The following NT5DC1 variants were observed in gnomAD, a reference collection of about 807,000 sequenced individuals.
NT5DC1 encodes 5'-nucleotidase domain containing 1, also known as 5'-nucleotidase domain-containing protein 1.
Under a neutral mutation model 59.4 loss-of-function variants are expected in NT5DC1, and 42 were observed. The observed-to-expected ratio is 0.71, with a 90% CI of 0.55 to 0.92. The LOEUF is 0.92. NT5DC1 is among the 40% of genes least tolerant of loss of function. The pLI is 0.00. For synonymous variants in NT5DC1, 172 were observed against 188.1 expected (o/e 0.91, Z 0.70); for missense variants, 501 against 537.1 (o/e 0.93, Z 0.66).
chr6:116,231,712 A>G (rs1160541851), intron 8 of NT5DC1, among the ~76,000 whole-genome samples: 1 of 152,268 alleles, frequency 6.6e-6, no homozygotes, highest in Non-Finnish European at 1.5e-5. Flanking sequence ...ACAGAAAAAC[A>G]TTGGCAACAA....
At chr6:116,125,372 G>C (rs755612188) in intron 6 of NT5DC1, 2 of 1,613,754 alleles carry the variant, frequency 1.2e-6, no homozygotes, top group Non-Finnish European at 1.7e-6. Flanking sequence ...ATGAAGAACT[G>C]TGTCTTGGTG....
intron 6 of NT5DC1, among the ~76,000 whole-genome samples, chr6:116,131,711 G>GA (rs1779470410): frequency 6.6e-6 from 1 of 152,088 alleles, no homozygotes; most frequent in African/African-American, 2.4e-5. Context: ...TACAAGTGCA[G>GA]GTGTGTTACA....
intron 6 of NT5DC1, among the ~76,000 whole-genome samples, chr6:116,128,179 A>G (rs1376003894): frequency 6.6e-6 from 1 of 152,150 alleles, no homozygotes; most frequent in African/African-American, 2.4e-5. Flanking sequence ...AGTTTTGGAA[A>G]ATGTGGTGTC....
At chr6:116,192,189 GTTAA>G (rs879818967) in intron 6 of NT5DC1, among the ~76,000 whole-genome samples, 12 of 152,148 alleles carry the variant, frequency 7.9e-5, no homozygotes, top group East Asian at 3.9e-4. Context: ...GATTTTGCCA[GTTAA>G]TTAACCTCTG....
intron 6 of NT5DC1, among the ~76,000 whole-genome samples, chr6:116,154,903 GATAAAA>G (rs1413221646): frequency 1.3e-5 from 2 of 151,922 alleles, no homozygotes; most frequent in South Asian, 2.1e-4. Context: ...TTCTTCATAA[GATAAAA>G]ATAAAAAACA....
intron 6 of NT5DC1, among the ~76,000 whole-genome samples, chr6:116,189,912 T>G (rs1781078894): frequency 6.6e-6 from 1 of 151,984 alleles, no homozygotes; most frequent in Non-Finnish European, 1.5e-5. Flanking sequence ...GTTTTTGCCT[T>G]TTAAGATTTT....
intron 5 of NT5DC1, 149 bp from the exon 6 acceptor site, chr6:116,117,712 A>G (rs969993506): frequency 5.3e-6 from 3 of 570,050 alleles, no homozygotes; most frequent in Non-Finnish European, 9.3e-6. Flanking sequence ...CTGAATCTTC[A>G]TCACTTTTGT....
intron 6 of NT5DC1, among the ~76,000 whole-genome samples, chr6:116,141,562 T>C (rs187776458): frequency 6.6e-6 from 1 of 152,182 alleles, no homozygotes; most frequent in East Asian, 1.9e-4. Context: ...AGAGAATGTT[T>C]CATTAATTTT....
chr6:116,236,573 T>A (rs1286570774), intron 8 of NT5DC1, among the ~76,000 whole-genome samples: 1 of 152,184 alleles, frequency 6.6e-6, no homozygotes, highest in African/African-American at 2.4e-5. Context: ...AAACTTACCT[T>A]CCTCACCCTC....
intron 6 of NT5DC1, among the ~76,000 whole-genome samples, chr6:116,214,037 T>C (rs1304662726): frequency 6.6e-6 from 1 of 152,126 alleles, no homozygotes; most frequent in Non-Finnish European, 1.5e-5. Flanking sequence ...TTCTTCTCCA[T>C]AATTTAATGA....
At position 116,249,048 on chromosome 6, in the gene NT5DC1, T is replaced by C. The variant is rs1318306726; in HGVS notation, c.*5024T>C. 2 of 152,110 alleles carry C rather than the reference T, an allele frequency of 1.3e-5. No homozygotes were observed. Among genetic ancestry groups the C allele is most frequent in the Admixed American group, 6.5e-5 (1 of 15,278 alleles). 9.4% of individuals were successfully genotyped at this position (152,110 alleles called of 1,614,324 possible). On this transcript the variant is annotated 3_prime_UTR_variant, in exon 12 of 12. Transcript: ENST00000319550. ...ACATCCAGAACAGGCATAGAAAAGG[T>C]ATAATAAAGCTTGAAACAGGTGGCT...
chr6:116,193,292 G>A (rs1184545117), intron 6 of NT5DC1, among the ~76,000 whole-genome samples: 3 of 151,990 alleles, frequency 2.0e-5, no homozygotes, highest in Non-Finnish European at 2.9e-5. Context: ...TTCCTTATAG[G>A]AGTGCTGTGA....
chr6:116,179,364 T>C (rs1582856338), intron 6 of NT5DC1, among the ~76,000 whole-genome samples: 1 of 152,120 alleles, frequency 6.6e-6, no homozygotes, highest in South Asian at 2.1e-4. Context: ...AGAATTGGGG[T>C]TTTAGCATTC....
chr6:116,108,511 A>G (rs1417694534), intron 3 of NT5DC1, 76 bp downstream of exon 3: 3 of 809,626 alleles, frequency 3.7e-6, no homozygotes, highest in Non-Finnish European at 6.6e-6. Context: ...TATGACCCTT[A>G]CAGTATGGGT....
At chr6:116,175,933 G>A (rs1780725188) in intron 6 of NT5DC1, among the ~76,000 whole-genome samples, 1 of 152,018 alleles carries the variant, frequency 6.6e-6, no homozygotes, top group South Asian at 2.1e-4. Flanking sequence ...TTGTCTTTTA[G>A]CGCTGGGTTG....
chr6:116,174,525 A>G (rs1281875417), intron 6 of NT5DC1, among the ~76,000 whole-genome samples: 4 of 152,248 alleles, frequency 2.6e-5, no homozygotes, highest in Non-Finnish European at 5.9e-5. Flanking sequence ...TAGAGTGCCA[A>G]TGTTAAGTGA....
chr6:116,120,699 C>A, intron 6 of NT5DC1: 1 of 1,554,022 alleles, frequency 6.4e-7, no homozygotes, highest in South Asian at 1.2e-5. Flanking sequence ...CCAGGAGGAC[C>A]GGGACTTCCT....
intron 6 of NT5DC1, among the ~76,000 whole-genome samples, chr6:116,191,819 C>T (rs1022317789): frequency 1.9e-4 from 29 of 152,036 alleles, no homozygotes; most frequent in African/African-American, 7.0e-4. Context: ...TATTTGTATT[C>T]CCCAAACCTT....
intron 9 of NT5DC1, 38 bp from the exon 10 acceptor site, chr6:116,238,149 T>A: frequency 6.6e-7 from 1 of 1,508,224 alleles, no homozygotes; most frequent in Non-Finnish European, 9.0e-7. Context: ...ACTTTCACAA[T>A]TCTGTGCCTC....
Sources: allele counts gnomAD v4.1 joint callset (sites outside exome capture counted in the v4.1 genomes callset), GRCh38; gene constraint gnomAD v4.1.1; transcripts MANE v1.5; gene names NCBI Gene and HGNC (gene_info 2026-07-23, HGNC 2026-07-21).